Variants in TBC1D16 observed in about 807,000 individuals in gnomAD.
TBC1D16 encodes the protein CTD-2529O21.1.
Under a neutral mutation model 74.7 loss-of-function variants are expected in TBC1D16, and 58 were observed. The observed-to-expected ratio is 0.78, with a 90% CI of 0.63 to 0.97. The LOEUF is 0.97. TBC1D16 is among the 50% of genes least tolerant of loss of function. The pLI, the probability that TBC1D16 is intolerant of heterozygous loss-of-function variation, is 0.00. For synonymous variants in TBC1D16, 493 were observed against 474.7 expected, an observed-to-expected ratio of 1.04 and a Z score of -0.50; for missense variants, 1,014 against 1,079.5, an observed-to-expected ratio of 0.94 and a Z score of 0.85.
rs563001264 is a variant in TBC1D16 at position 80,017,269 on chromosome 17, G to A, written c.-62-3660C>T. Among the ~76,000 whole-genome samples the A allele has an allele frequency of 1.1e-4, 16 of 152,274 alleles. No homozygotes were observed. The East Asian group carries it at 2.9e-3, about 28-fold the overall frequency. ...TGGAGTGCAGGAGCAGCCACAGACAGTAAATGATGGGCATGACTGTGACAG... is the reference window on the plus strand; with the variant it reads ...TGGAGTGCAGGAGCAGCCACAGACAATAAATGATGGGCATGACTGTGACAG... On this transcript the variant is annotated intron_variant, in intron 1 of 11. Transcript: ENST00000310924.
In TBC1D16 at chr17:79,939,075, GC is replaced by G. The variant is rs1199338948; in HGVS notation, c.*1783del. On this transcript the variant is annotated 3_prime_UTR_variant, in exon 12 of 12. Transcript: ENST00000310924. ...GGATTTGTTACACAGTATTGCTGTG[GC>G]AATGGATATAACTGGTTTCTAGCGG... is the stretch of plus-strand genomic sequence containing the variant. 6.6e-6 allele frequency: 1 copy of G among 152,358 alleles called. No homozygotes were observed. The highest frequency in any genetic ancestry group is 2.4e-5 in the African/African-American group (1 of 41,466). The allele number at this position is 152,358 out of a possible 1,614,324, so 9.4% of individuals were successfully genotyped here.
Position 79,985,482 on chromosome 17 carries a change from C to T in TBC1D16, c.779+24678G>A, listed in dbSNP as rs552348457. On this transcript the variant is annotated intron_variant, in intron 3 of 11. Transcript: ENST00000310924. This position sits in a 1 kb window ranked among gnomAD's most constrained non-coding sequence, Gnocchi z 4.9. ...GGACAGGGAAGCTCGGCTGTGGGTG[C>T]GAAGCAGGACTGCCCCCCAAGGCCA... Among the ~76,000 whole-genome samples the T allele has an allele frequency of 6.6e-6, 1 of 152,252 alleles. No individual in the cohort carries two copies. The highest frequency in any genetic ancestry group is 1.5e-5 in the Non-Finnish European group (1 of 68,010).
In TBC1D16 at chr17:79,988,551, G is replaced by A. The variant is rs928786191; in HGVS notation, c.779+21609C>T. Among the ~76,000 whole-genome samples, 4 of 152,338 alleles carry A rather than the reference G, an allele frequency of 2.6e-5. No homozygotes were observed. The East Asian group carries it at 5.8e-4, about 22-fold the overall frequency. On this transcript the variant is annotated intron_variant, in intron 3 of 11. Transcript: ENST00000310924. The surrounding 1 kb of genome is among the most constrained non-coding windows in gnomAD (Gnocchi z 5.7). ...GTCCACAGTCGACCACCTCCCGCTC[G>A]GCAAGCCAGGGTCCTGGTGAACGCA...
At chr17:79,957,507 T>C (rs1237594737) in intron 3 of TBC1D16, among the ~76,000 whole-genome samples, 3 of 152,054 alleles carry the variant, frequency 2.0e-5, no homozygotes, top group Admixed American at 6.5e-5. Flanking sequence ...GGCAAAACCA[T>C]GGAGACAGTG....
At chr17:79,957,721 C>T (rs1251216466) in intron 3 of TBC1D16, among the ~76,000 whole-genome samples, 3 of 150,418 alleles carry the variant, frequency 2.0e-5, no homozygotes. Context: ...CGTGTGGGCT[C>T]ATGAGTCGTA....
At chr17:80,024,968 ACCCCGTAGG>A (rs2036499792) in intron 1 of TBC1D16, among the ~76,000 whole-genome samples, 2 of 85,344 alleles carry the variant, frequency 2.3e-5, no homozygotes. Context: ...CACACACACA[ACCCCGTAGG>A]CACACACCAC....
intron 3 of TBC1D16, among the ~76,000 whole-genome samples, chr17:79,978,789 C>A (rs2034450138): frequency 6.6e-6 from 1 of 152,168 alleles, no homozygotes; most frequent in Non-Finnish European, 1.5e-5. Flanking sequence ...ATTTGTTTTT[C>A]TTTTTCCCTT....
intron 1 of TBC1D16, among the ~76,000 whole-genome samples, chr17:80,016,883 C>T (rs2144716013): frequency 6.6e-6 from 1 of 152,326 alleles, no homozygotes; most frequent in South Asian, 2.1e-4. Flanking sequence ...CTTCCCATTC[C>T]CATGTCTTTC....
chr17:79,950,949 A>G lies in TBC1D16; in HGVS notation c.1090-371T>C, dbSNP rs1197883277. 1 of 1,172,852 alleles carries G rather than the reference A, an allele frequency of 8.5e-7. No homozygotes were observed. Among genetic ancestry groups the G allele is most frequent in the African/African-American group, 1.5e-5 (1 of 64,812 alleles). 72.7% of individuals were successfully genotyped at this position (1,172,852 alleles called of 1,614,324 possible). The stretch of plus-strand genomic sequence containing the variant: ...ACAAAGGGATCGCTGTTCTGCGAGC[A>G]GGGAGCCAGCCTGTCAGATTGCCTC... On this transcript the variant is annotated intron_variant, in intron 5 of 11. Transcript: ENST00000310924. The surrounding 1 kb of genome is among the most constrained non-coding windows in gnomAD (Gnocchi z 4.6).
intron 8 of TBC1D16, 71 bp from the exon 9 acceptor site, chr17:79,947,902 C>G: frequency 7.4e-7 from 1 of 1,351,556 alleles, no homozygotes; most frequent in Non-Finnish European, 1.0e-6. Context: ...CCTGCAGAAC[C>G]CTGGGCCGTG....
At chr17:80,032,577 A>G (rs1033336705) in intron 1 of TBC1D16, among the ~76,000 whole-genome samples, 2 of 152,334 alleles carry the variant, frequency 1.3e-5, no homozygotes, top group East Asian at 3.9e-4. Flanking sequence ...AAGGACAGAT[A>G]GGATAAAAAC....
At position 79,938,629 on chromosome 17, in the gene TBC1D16, A is replaced by G. The variant is rs2031770055; in HGVS notation, c.*2230T>C. ...GCTCCAAAGCAGGCATTATTAGGAC[A>G]CAGACTCTCCAGAGTCCCAGTTGTT... On this transcript the variant is annotated 3_prime_UTR_variant, in exon 12 of 12. Coordinates refer to ENST00000310924, the MANE Select transcript of TBC1D16 (RefSeq NM_019020.4). 1 of 152,218 alleles carries G rather than the reference A, an allele frequency of 6.6e-6. No homozygotes were observed. Among genetic ancestry groups the G allele is most frequent in the African/African-American group, 2.4e-5 (1 of 41,428 alleles). 9.4% of individuals were successfully genotyped at this position (152,218 alleles called of 1,614,324 possible). A position where few individuals can be genotyped will look rare whatever the true frequency, so the allele number is the denominator to read the frequency against.
At chr17:80,013,786 A>G (rs2035990736) in intron 1 of TBC1D16, among the ~76,000 whole-genome samples, 177 bp from the exon 2 acceptor site, 2 of 152,166 alleles carry the variant, frequency 1.3e-5, no homozygotes, top group South Asian at 4.1e-4. Context: ...CACCCTGTCC[A>G]TCGCAGGAGG....
chr17:80,004,315 G>A (rs559553787), intron 3 of TBC1D16, among the ~76,000 whole-genome samples: 25 of 152,296 alleles, frequency 1.6e-4, no homozygotes, highest in South Asian at 2.1e-4. Context: ...ATCATAACCC[G>A]TTTCCTGCTT....
chr17:79,974,238 ATT>A (rs35105621), intron 3 of TBC1D16, among the ~76,000 whole-genome samples: 2 of 151,108 alleles, frequency 1.3e-5, no homozygotes, highest in African/African-American at 2.4e-5. Context: ...TTTCCATTTA[ATT>A]TTTTTTTTCT....
chr17:80,028,159 T>C (rs566982014), intron 1 of TBC1D16, among the ~76,000 whole-genome samples: 3 of 152,180 alleles, frequency 2.0e-5, no homozygotes, highest in South Asian at 2.1e-4. Flanking sequence ...AACTTGGCAG[T>C]TGGCACAAAG....
At chr17:79,946,245 T>G (rs2032526194) in intron 9 of TBC1D16, among the ~76,000 whole-genome samples, 1 of 152,208 alleles carries the variant, frequency 6.6e-6, no homozygotes, top group African/African-American at 2.4e-5. Context: ...TTGAAACTGT[T>G]CCCCCTCACA....
rs146087298 is a variant in TBC1D16, at chr17:80,017,238, G to C, written c.-62-3629C>G. Among the ~76,000 whole-genome samples the C allele has an allele frequency of 2.4e-3, 359 of 152,106 alleles. 6 individuals are homozygous for C. In the South Asian group the frequency reaches 0.041, roughly 17 times the overall value. On this transcript the variant is annotated intron_variant, in intron 1 of 11. Coordinates refer to ENST00000310924, the MANE Select transcript of TBC1D16 (RefSeq NM_019020.4). ...AGTCTCTGTCGTGACCACTCAACTCGGCCCTTGGAGTGCAGGAGCAGCCAC... is the reference window on the plus strand; with the variant it reads ...AGTCTCTGTCGTGACCACTCAACTCCGCCCTTGGAGTGCAGGAGCAGCCAC...
In TBC1D16 at chr17:80,009,669, C is replaced by G. The variant is rs1316782551; in HGVS notation, c.779+491G>C. ...CTCCGGGGACCACAGGGGGCCAGGT[C>G]ACGTGCCCAGTGGGCTGCAGGGCAG... On this transcript the variant is annotated intron_variant, in intron 3 of 11. Coordinates refer to ENST00000310924, the MANE Select transcript of TBC1D16 (RefSeq NM_019020.4). The surrounding 1 kb of genome is among the most constrained non-coding windows in gnomAD (Gnocchi z 5.4). 6.6e-6 allele frequency among the ~76,000 whole-genome samples: 1 copy of G among 152,244 alleles called. No individual in the cohort carries two copies. The highest frequency in any genetic ancestry group is 1.5e-5 in the Non-Finnish European group (1 of 68,044).
Sources: gnomAD v4.1 joint callset for allele counts (sites outside exome capture counted in the v4.1 genomes callset) on GRCh38, gnomAD v4.1.1 for gene constraint, Gnocchi (gnomAD v3.1) non-coding constraint, MANE v1.5 for transcripts, NCBI Gene and HGNC (gene_info 2026-07-23, HGNC 2026-07-21) for gene names.